MALRD1: variants seen among roughly 807,000 people sequenced by gnomAD.
MALRD1 encodes the protein MAM and LDL-receptor class A domain-containing protein 1.
Under a neutral mutation model 242.1 loss-of-function variants are expected in MALRD1, and 247 were observed. The observed-to-expected ratio is 1.02, with a 90% confidence interval of 0.92 to 1.13. The LOEUF is 1.13. Ranked by LOEUF, MALRD1 falls within the 50% of genes most tolerant of loss-of-function variation. MALRD1 has a pLI of 0.00. For synonymous variants in MALRD1, 995 were observed against 866.6 expected, an observed-to-expected ratio of 1.15 and a Z score of -2.60; for missense variants, 2,989 against 2,533.1, an observed-to-expected ratio of 1.18 and a Z score of -3.86.
chr10:19,383,098 T>C (rs1845905607), intron 26 of MALRD1, among the ~76,000 whole-genome samples: 1 of 152,168 alleles, frequency 6.6e-6, no homozygotes, highest in Non-Finnish European at 1.5e-5. Flanking sequence ...ATGTTTGTTA[T>C]ATAGGTAACT....
At chr10:19,323,779 T>C (rs1367400246) in intron 21 of MALRD1, among the ~76,000 whole-genome samples, 170 bp from the exon 22 acceptor site, 1 of 152,108 alleles carries the variant, frequency 6.6e-6, no homozygotes, top group Non-Finnish European at 1.5e-5. Flanking sequence ...CAGCTTATTT[T>C]TTCGTATTTT....
intron 36 of MALRD1, among the ~76,000 whole-genome samples, chr10:19,652,025 G>A (rs1840917499): frequency 6.6e-6 from 1 of 152,196 alleles, no homozygotes; most frequent in South Asian, 2.1e-4. Context: ...CCTAGGGCTA[G>A]CCTTGGGGCG....
chr10:19,364,173 T>A (rs1008313088), intron 26 of MALRD1, among the ~76,000 whole-genome samples: 4 of 152,118 alleles, frequency 2.6e-5, no homozygotes, highest in African/African-American at 7.2e-5. Context: ...TAATGATCAG[T>A]GTCAAGGATG....
chr10:19,509,685 T>C (rs991540263), intron 31 of MALRD1, among the ~76,000 whole-genome samples: 33 of 152,144 alleles, frequency 2.2e-4, no homozygotes, highest in Admixed American at 7.2e-4. Flanking sequence ...CAAACCAAAG[T>C]GAGACCATTT....
At chr10:19,520,223 C>T (rs920401977) in intron 31 of MALRD1, among the ~76,000 whole-genome samples, 1 of 152,002 alleles carries the variant, frequency 6.6e-6, no homozygotes, top group Admixed American at 6.6e-5. Flanking sequence ...GTATTTGTAA[C>T]CACTGTCCTT....
chr10:19,080,461 C>CA, intron 2 of MALRD1, among the ~76,000 whole-genome samples: 2 of 151,908 alleles, frequency 1.3e-5, no homozygotes, highest in Non-Finnish European at 2.9e-5. Context: ...AGAATTAAGA[C>CA]CCCACATCTA....
intron 6 of MALRD1, 150 bp from the exon 7 acceptor site, chr10:19,124,374 G>A: frequency 1.5e-6 from 1 of 678,774 alleles, no homozygotes. Flanking sequence ...ACACTCGAAG[G>A]CTTATTGAAT....
chr10:19,730,349 C>T (rs2131939698), intron 38 of MALRD1, among the ~76,000 whole-genome samples: 1 of 152,278 alleles, frequency 6.6e-6, no homozygotes, highest in African/African-American at 2.4e-5. Context: ...CTTTCTTTAT[C>T]ACTAGTACAG....
chr10:19,224,391 A>G (rs1837696241), intron 18 of MALRD1, among the ~76,000 whole-genome samples: 1 of 151,620 alleles, frequency 6.6e-6, no homozygotes, highest in South Asian at 2.1e-4. Context: ...GGTTCAAGCA[A>G]TTCTCCTGCC....
intron 36 of MALRD1, among the ~76,000 whole-genome samples, chr10:19,677,616 T>C (rs1361140961): frequency 1.3e-5 from 2 of 152,176 alleles, no homozygotes; most frequent in African/African-American, 4.8e-5. Context: ...ATTCTGTAGG[T>C]TGTCGGTCCA....
At chr10:19,364,765 G>A (rs1845039722) in intron 26 of MALRD1, among the ~76,000 whole-genome samples, 1 of 152,094 alleles carries the variant, frequency 6.6e-6, no homozygotes, top group Non-Finnish European at 1.5e-5. Context: ...AGCTTCACTT[G>A]AAATGCCAAT....
chr10:19,283,278 C>T (rs4748570), intron 21 of MALRD1, 97 bp downstream of exon 21: 266,041 of 996,888 alleles, frequency 0.27, 36,775 homozygotes, highest in Middle Eastern at 0.33. Flanking sequence ...GCCAATGCTA[C>T]TGTAAAGACA....
intron 36 of MALRD1, among the ~76,000 whole-genome samples, chr10:19,620,474 C>T (rs1169074389): frequency 6.6e-6 from 1 of 152,036 alleles, no homozygotes; most frequent in Non-Finnish European, 1.5e-5. Context: ...ATTGTAATTA[C>T]ATTTTCGATG....
At chr10:19,222,481 AT>A (rs1837601381) in intron 18 of MALRD1, among the ~76,000 whole-genome samples, 1 of 152,222 alleles carries the variant, frequency 6.6e-6, no homozygotes. Flanking sequence ...ACAAGGAAGT[AT>A]TTAAATATAC....
intron 36 of MALRD1, among the ~76,000 whole-genome samples, chr10:19,635,605 T>C (rs902160959): frequency 2.8e-4 from 42 of 152,158 alleles, no homozygotes; most frequent in African/African-American, 7.0e-4. Flanking sequence ...AGTGATGATA[T>C]ATGTGATATA....
chr10:19,318,639 A>G (rs58553420), intron 21 of MALRD1, among the ~76,000 whole-genome samples: 6,340 of 151,728 alleles, frequency 0.042, 216 homozygotes, highest in African/African-American at 0.095. Flanking sequence ...TAATTTCTCC[A>G]TGGTCTCCAG....
At chr10:19,445,312 A>G (rs1277720560) in intron 28 of MALRD1, among the ~76,000 whole-genome samples, 4 of 152,104 alleles carry the variant, frequency 2.6e-5, no homozygotes, top group African/African-American at 9.7e-5. Flanking sequence ...ACTTCTGTCA[A>G]TTTGTCAAAG....
intron 21 of MALRD1, among the ~76,000 whole-genome samples, chr10:19,300,526 A>G (rs2131954471): frequency 6.6e-6 from 1 of 152,100 alleles, no homozygotes; most frequent in South Asian, 2.1e-4. Flanking sequence ...GACCAATAGA[A>G]GAGGTTAAAG....
chr10:19,709,452 AT>A (rs754299490), intron 38 of MALRD1, among the ~76,000 whole-genome samples: 1 of 152,082 alleles, frequency 6.6e-6, no homozygotes, highest in Admixed American at 6.6e-5. Flanking sequence ...TATACCTTTA[AT>A]ATGAAATTTA....
Sources: allele counts gnomAD v4.1 joint callset (sites outside exome capture counted in the v4.1 genomes callset), GRCh38; gene constraint gnomAD v4.1.1; transcripts MANE v1.5; gene names NCBI Gene and HGNC (gene_info 2026-07-23, HGNC 2026-07-21).